The following LMTK2 variants were observed in gnomAD, a reference collection of about 807,000 sequenced individuals.
The protein encoded by LMTK2 is serine/threonine-protein kinase LMTK2.
A neutral mutation model predicts 127.5 loss-of-function variants in LMTK2; 37 were observed. That is an observed-to-expected ratio of 0.29 (90% CI 0.22 to 0.38). The LOEUF (loss-of-function observed/expected upper bound fraction) is 0.38, where lower values mean the gene tolerates loss of function less well. Ranked by LOEUF, LMTK2 falls within the 10% of genes least tolerant of loss-of-function variation. LMTK2 has a pLI of 1.00. For missense variants in LMTK2, 1,694 were observed against 1,920.3 expected (o/e 0.88, Z 2.20); for synonymous variants, 819 against 810.1 (o/e 1.01, Z -0.19).
intron 1 of LMTK2, among the ~76,000 whole-genome samples, chr7:98,110,471 C>T (rs909991377): frequency 6.6e-6 from 1 of 152,054 alleles, no homozygotes; most frequent in African/African-American, 2.4e-5. Flanking sequence ...CTTGTTGGTC[C>T]TCTCTAGGAA....
intron 1 of LMTK2, among the ~76,000 whole-genome samples, chr7:98,129,505 C>T (rs1796492034): frequency 6.6e-6 from 1 of 152,050 alleles, no homozygotes; most frequent in South Asian, 2.1e-4. Context: ...GCTGGGACTA[C>T]AGGTGTGTGT....
chr7:98,188,302 A>G (rs1334602719), intron 9 of LMTK2, among the ~76,000 whole-genome samples: 1 of 151,748 alleles, frequency 6.6e-6, no homozygotes, highest in African/African-American at 2.4e-5. Flanking sequence ...TGAGTCTGAT[A>G]CTTCTGTGTT....
chr7:98,209,054 G>A lies in LMTK2; in HGVS notation c.*3562G>A. On this transcript the variant is annotated 3_prime_UTR_variant, in exon 14 of 14. Coordinates refer to ENST00000297293, the MANE Select transcript of LMTK2 (RefSeq NM_014916.4). ...TCTGAAAATTCAGAAGTGAACCAAG[G>A]GTTAGACGCCAGAGGTTGGGCTTCT... 1 of 152,168 alleles carries A rather than the reference G, an allele frequency of 6.6e-6. No homozygotes were observed. Among genetic ancestry groups the A allele is most frequent in the African/African-American group, 2.4e-5 (1 of 41,428 alleles). The allele number at this position is 152,168 out of a possible 1,614,324, so 9.4% of individuals were successfully genotyped here.
In LMTK2 at chr7:98,193,139, G is replaced by T; in HGVS notation, c.2674G>T (p.Glu892Ter). 3 of 1,613,478 alleles carry T rather than the reference G, an allele frequency of 1.9e-6. No homozygotes were observed. The highest frequency in any genetic ancestry group is 2.5e-6 in the Non-Finnish European group (3 of 1,180,000). ...RSQDSPGESE[E>*]TLRLTESDSV... ...CCAGGACTCTCCTGGCGAGAGTGAG[G>T]AGACCCTGCGACTCACCGAAAGTGA... Residue 892 changes from glutamate to a stop codon, truncating the protein, a stop_gained, in exon 11 of 14, where the codon GAG (glutamate) becomes TAG (stop). Transcript: ENST00000297293. LOFTEE classifies it high-confidence loss of function. This position sits in a 1 kb window ranked among gnomAD's most constrained non-coding sequence, Gnocchi z 4.1.
At chr7:98,189,370 G>A (rs1298465071) in intron 9 of LMTK2, among the ~76,000 whole-genome samples, 1 of 152,138 alleles carries the variant, frequency 6.6e-6, no homozygotes, top group Non-Finnish European at 1.5e-5. Context: ...TTACTCCTTT[G>A]ATGGGCTCTG....
chr7:98,152,713 A>G (rs1796875457), intron 4 of LMTK2, among the ~76,000 whole-genome samples: 1 of 152,182 alleles, frequency 6.6e-6, no homozygotes, highest in South Asian at 2.1e-4. Flanking sequence ...CTTGCTCGGA[A>G]TGAAACGGGG....
intron 8 of LMTK2, among the ~76,000 whole-genome samples, chr7:98,186,238 A>C (rs1317428556): frequency 2.0e-5 from 3 of 151,802 alleles, no homozygotes; most frequent in Non-Finnish European, 4.4e-5. Context: ...TAATTTTTGT[A>C]TTTTTAGTGG....
At position 98,125,189 on chromosome 7, in the gene LMTK2, G is replaced by A. The variant is rs182534953; in HGVS notation, c.104-12126G>A. On this transcript the variant is annotated intron_variant, in intron 1 of 13. Transcript: ENST00000297293. ...GTGGTGGCGGGCGCCTGTAGTCCCA[G>A]CTACTCAGGAGGCTGAGGCAGGAGA... Among the ~76,000 whole-genome samples, 202 of 152,074 alleles carry A rather than the reference G, an allele frequency of 1.3e-3. 1 individual carries two copies. The highest frequency in any genetic ancestry group is 4.7e-3 in the African/African-American group (193 of 41,500).
intron 13 of LMTK2, among the ~76,000 whole-genome samples, chr7:98,204,454 T>G (rs142081632): frequency 0.017 from 2,514 of 152,020 alleles, 47 homozygotes; most frequent in South Asian, 0.033. Flanking sequence ...AGACCCCATC[T>G]CTAAAAAAAA....
At chr7:98,164,207 G>C (rs1293576024) in intron 6 of LMTK2, among the ~76,000 whole-genome samples, 2 of 152,150 alleles carry the variant, frequency 1.3e-5, no homozygotes, top group Admixed American at 6.5e-5. Context: ...GCCGAGAGAT[G>C]ACTGTAGGGT....
chr7:98,203,630 G>A lies in LMTK2; in HGVS notation c.4164G>A (p.Leu1388=). ...PCGGEACGPD[L]SGPAPASGSP... Reference sequence around the variant, plus strand: ...GAGGAGAGGCGTGCGGCCCGGACCTGAGCGGCCCAGCCCCAGCCTCAGGCT... The same window carrying A: ...GAGGAGAGGCGTGCGGCCCGGACCTAAGCGGCCCAGCCCCAGCCTCAGGCT... The change falls in exon 12 of 14, where the codon CTG becomes CTA. Residue 1388 remains leucine (L), a synonymous_variant. Coordinates refer to ENST00000297293, the MANE Select transcript of LMTK2 (RefSeq NM_014916.4). The A allele has an allele frequency of 6.2e-7, 1 of 1,613,256 alleles. No homozygotes were observed. Among genetic ancestry groups the A allele is most frequent in the Non-Finnish European group, 8.5e-7 (1 of 1,179,826 alleles).
intron 11 of LMTK2, among the ~76,000 whole-genome samples, chr7:98,202,740 T>C (rs1052802894): frequency 1.3e-5 from 2 of 152,190 alleles, no homozygotes; most frequent in African/African-American, 4.8e-5. Flanking sequence ...TTTCAAAGCT[T>C]GGGTGTGTTC....
intron 1 of LMTK2, among the ~76,000 whole-genome samples, chr7:98,127,513 T>G (rs1174310514): frequency 6.6e-6 from 1 of 152,232 alleles, no homozygotes; most frequent in Admixed American, 6.5e-5. Flanking sequence ...CAAGAGGGTC[T>G]GGGCAAAACA....
intron 1 of LMTK2, among the ~76,000 whole-genome samples, chr7:98,133,294 A>C (rs568768267): frequency 8.5e-5 from 13 of 152,258 alleles, no homozygotes; most frequent in African/African-American, 2.9e-4. Context: ...CTGCATGTTA[A>C]AGCTGCCTTT....
rs1258193309 is a variant in LMTK2 at position 98,174,101 on chromosome 7, T to TTG, written c.791+2429_791+2430dup. Among the ~76,000 whole-genome samples the TTG allele has an allele frequency of 8.4e-5, 7 of 83,230 alleles. No individual in the cohort carries two copies. In the East Asian group the frequency reaches 1.8e-3, roughly 22 times the overall value. The allele number at this position is 83,230 out of a possible 152,430, so 54.6% of individuals were successfully genotyped here. Reference sequence around the variant, plus strand: ...AACCATTGACAGCTGTTTCATTTTGTTGTAAAAAAAAAAAAAAAAAAGAAA... The same window carrying TTG: ...AACCATTGACAGCTGTTTCATTTTGTTGTGTAAAAAAAAAAAAAAAAAAGAAA... On this transcript the variant is annotated intron_variant, in intron 7 of 13. Transcript: ENST00000297293.
chr7:98,172,959 T>A (rs1175697517), intron 7 of LMTK2, among the ~76,000 whole-genome samples: 1 of 152,178 alleles, frequency 6.6e-6, no homozygotes, highest in African/African-American at 2.4e-5. Context: ...GGTTTCACCA[T>A]GTTGGCCAGG....
intron 1 of LMTK2, among the ~76,000 whole-genome samples, chr7:98,128,278 G>A (rs1457198362): frequency 6.6e-6 from 1 of 152,170 alleles, no homozygotes; most frequent in African/African-American, 2.4e-5. Context: ...TTTTAAACAG[G>A]TGAGTCCTGA....
At position 98,208,122 on chromosome 7, in the gene LMTK2, A is replaced by ATT. The variant is rs1303219584; in HGVS notation, c.*2636_*2637dup. The ATT allele has an allele frequency of 6.5e-4, 99 of 151,736 alleles. No homozygotes were observed. Among genetic ancestry groups the ATT allele is most frequent in the African/African-American group, 2.3e-3 (96 of 41,300 alleles). The allele number at this position is 151,736 out of a possible 1,614,324, so 9.4% of individuals were successfully genotyped here. A position where few individuals can be genotyped will look rare whatever the true frequency, so the allele number is the denominator to read the frequency against. On this transcript the variant is annotated 3_prime_UTR_variant, in exon 14 of 14. Coordinates refer to ENST00000297293, the MANE Select transcript of LMTK2 (RefSeq NM_014916.4). ...AGACCCTGTCTCAAAAAAAAAAACA[A>ATT]TTTTTTTCATAACATAATTCCCATT...
chr7:98,130,009 C>T (rs995623360), intron 1 of LMTK2, among the ~76,000 whole-genome samples: 1 of 151,998 alleles, frequency 6.6e-6, no homozygotes, highest in Non-Finnish European at 1.5e-5. Flanking sequence ...AACCGCGGGC[C>T]TCAAGGATGG....
Sources: allele counts gnomAD v4.1 joint callset (sites outside exome capture counted in the v4.1 genomes callset), GRCh38; gene constraint gnomAD v4.1.1; non-coding constraint Gnocchi (gnomAD v3.1); transcripts MANE v1.5; gene names NCBI Gene and HGNC (gene_info 2026-07-23, HGNC 2026-07-21).